Variants in MEI4 observed in about 807,000 individuals in gnomAD.
MEI4 encodes the protein meiosis-specific protein MEI4.
A neutral mutation model predicts 31.4 loss-of-function variants in MEI4; 27 were observed. The ratio of observed to expected loss-of-function variants is 0.86; its 90% CI spans 0.63 to 1.19. MEI4 has a LOEUF of 1.19. MEI4 is among the 50% of genes most tolerant of loss of function. The pLI, the probability that MEI4 is intolerant of heterozygous loss-of-function variation, is 0.00. For synonymous variants in MEI4, 122 were observed against 145.4 expected (o/e 0.84, Z 1.16); for missense variants, 329 against 398.9 (o/e 0.82, Z 1.49).
chr6:77,793,210 A>G (rs1768985281), intron 3 of MEI4, among the ~76,000 whole-genome samples: 1 of 152,184 alleles, frequency 6.6e-6, no homozygotes, highest in Non-Finnish European at 1.5e-5. Flanking sequence ...AGATTTCTCA[A>G]TAGAAATTTT....
intron 2 of MEI4, among the ~76,000 whole-genome samples, chr6:77,734,778 G>A (rs544145773): frequency 2.0e-5 from 3 of 151,942 alleles, no homozygotes; most frequent in African/African-American, 4.8e-5. Context: ...GTTACTGGTT[G>A]TTCCTTTCCG....
At chr6:77,653,839 G>A (rs775238702) in intron 1 of MEI4, among the ~76,000 whole-genome samples, 5 of 152,118 alleles carry the variant, frequency 3.3e-5, no homozygotes, top group Admixed American at 2.0e-4. Flanking sequence ...CATCCCTGTA[G>A]GAAGTCAACC....
At chr6:77,650,414 C>T (rs1291101982), upstream of MEI4, among the ~76,000 whole-genome samples, 2 of 152,252 alleles carry the variant, frequency 1.3e-5, no homozygotes, top group Admixed American at 6.5e-5. Context: ...ACTTCCCCCA[C>T]GAGTGGAAGG....
intron 4 of MEI4, among the ~76,000 whole-genome samples, chr6:77,860,731 A>G (rs949041950): frequency 2.6e-5 from 4 of 152,118 alleles, no homozygotes; most frequent in African/African-American, 7.2e-5. Context: ...CCAAAATACA[A>G]CTCAAAGCTC....
At chr6:77,846,765 A>G (rs1459182554) in intron 4 of MEI4, among the ~76,000 whole-genome samples, 1 of 152,082 alleles carries the variant, frequency 6.6e-6, no homozygotes, top group Non-Finnish European at 1.5e-5. Flanking sequence ...ACCGTTAACT[A>G]TAGTGCTTTT....
chr6:77,751,835 A>G (rs763856074), intron 2 of MEI4, among the ~76,000 whole-genome samples: 6 of 152,184 alleles, frequency 3.9e-5, no homozygotes, highest in Non-Finnish European at 7.3e-5. Context: ...TCAGGCCAAT[A>G]TCCCTGATGA....
intron 3 of MEI4, among the ~76,000 whole-genome samples, chr6:77,763,329 A>C (rs1254833218): frequency 2.6e-5 from 4 of 152,044 alleles, no homozygotes; most frequent in African/African-American, 9.7e-5. Flanking sequence ...ACTATGTTCC[A>C]TGCACACCAA....
chr6:77,736,621 G>T (rs1767242658), intron 2 of MEI4, among the ~76,000 whole-genome samples: 1 of 152,106 alleles, frequency 6.6e-6, no homozygotes, highest in Admixed American at 6.5e-5. Context: ...GGGAGCTGTA[G>T]ACCGGAGCTG....
In MEI4 at chr6:77,820,383, TC is replaced by T. The variant is rs1174890538; in HGVS notation, c.769-8546del. Among the ~76,000 whole-genome samples the T allele has an allele frequency of 6.6e-6, 1 of 152,074 alleles. No homozygotes were observed. The highest frequency in any genetic ancestry group is 1.5e-5 in the Non-Finnish European group (1 of 68,004). Reference sequence around the variant, plus strand: ...TTCAAGCAGTTCTCCTGCCTCAGCCTCCTGAGTAGCTGGGACTACAGGCACA... The same window carrying T: ...TTCAAGCAGTTCTCCTGCCTCAGCCTCTGAGTAGCTGGGACTACAGGCACA... On this transcript the variant is annotated intron_variant, in intron 3 of 4. Coordinates refer to ENST00000684080, the MANE Select transcript of MEI4 (RefSeq NM_001322247.2). This position sits in a 1 kb window ranked among gnomAD's most constrained non-coding sequence, Gnocchi z 4.5.
At chr6:77,873,379 T>G (rs1396894664) in intron 4 of MEI4, among the ~76,000 whole-genome samples, 13 of 152,198 alleles carry the variant, frequency 8.5e-5, no homozygotes, top group Admixed American at 8.5e-4. Context: ...TTTTCATGTG[T>G]TTTTTGGCTG....
At chr6:77,885,312 G>C (rs1771592944) in intron 4 of MEI4, among the ~76,000 whole-genome samples, 2 of 151,580 alleles carry the variant, frequency 1.3e-5, no homozygotes, top group South Asian at 2.1e-4. Flanking sequence ...TGGCCTCCCA[G>C]GTAGTTGGGA....
chr6:77,755,961 T>C (rs929085348), intron 2 of MEI4, among the ~76,000 whole-genome samples: 2 of 152,098 alleles, frequency 1.3e-5, no homozygotes, highest in South Asian at 2.1e-4. Flanking sequence ...GAAACTTTAT[T>C]TGACTTTTGC....
chr6:77,682,724 CA>C (rs1274205904), intron 1 of MEI4, among the ~76,000 whole-genome samples: 3 of 152,114 alleles, frequency 2.0e-5, no homozygotes, highest in Non-Finnish European at 4.4e-5. Flanking sequence ...TACTGTGAGC[CA>C]GTATTCATGG....
chr6:77,775,876 C>T (rs1372244132), intron 3 of MEI4, among the ~76,000 whole-genome samples: 8 of 151,910 alleles, frequency 5.3e-5, no homozygotes, highest in East Asian at 1.9e-4. Flanking sequence ...TTCTATTTTT[C>T]GGCCATTCTT....
At chr6:77,900,813 T>C (rs1395785508) in intron 4 of MEI4, among the ~76,000 whole-genome samples, 1 of 152,060 alleles carries the variant, frequency 6.6e-6, no homozygotes, top group Non-Finnish European at 1.5e-5. Flanking sequence ...ACAGGTGTCT[T>C]GAACTTATTC....
At chr6:77,861,463 T>C (rs1033115509) in intron 4 of MEI4, among the ~76,000 whole-genome samples, 1 of 152,222 alleles carries the variant, frequency 6.6e-6, no homozygotes, top group Non-Finnish European at 1.5e-5. Context: ...TCAACATAGA[T>C]GAACTATTTA....
At chr6:77,905,702 T>C (rs987465495) in intron 4 of MEI4, among the ~76,000 whole-genome samples, 3 of 151,642 alleles carry the variant, frequency 2.0e-5, no homozygotes, top group African/African-American at 7.2e-5. Flanking sequence ...TTCACTGTGT[T>C]AGCCAGGATG....
At chr6:77,790,965 A>C (rs1448502938) in intron 3 of MEI4, among the ~76,000 whole-genome samples, 1 of 152,176 alleles carries the variant, frequency 6.6e-6, no homozygotes, top group East Asian at 1.9e-4. Flanking sequence ...AGAAATGCAA[A>C]TCAAAACCAC....
intron 3 of MEI4, among the ~76,000 whole-genome samples, chr6:77,773,744 G>A (rs75849766): frequency 0.014 from 2,186 of 152,120 alleles, 56 homozygotes; most frequent in African/African-American, 0.05. Flanking sequence ...CAGAATGGGA[G>A]GAAATATCTG....
Sources: gnomAD v4.1 joint callset for allele counts (sites outside exome capture counted in the v4.1 genomes callset) on GRCh38, gnomAD v4.1.1 for gene constraint, Gnocchi (gnomAD v3.1) non-coding constraint, MANE v1.5 for transcripts, NCBI Gene and HGNC (gene_info 2026-07-23, HGNC 2026-07-21) for gene names.